SORCS1: variants seen among roughly 807,000 people sequenced by gnomAD.
The protein encoded by SORCS1 is VPS10 domain-containing receptor SorCS1.
In SORCS1, 60 loss-of-function variants were observed where a neutral mutation model predicts 146.1. That is an observed-to-expected ratio of 0.41 (90% CI 0.33 to 0.51). SORCS1 has a LOEUF of 0.51. Among genes scored for constraint, SORCS1 ranks in the 20% least tolerant of loss-of-function variants. The pLI, the probability that SORCS1 is intolerant of heterozygous loss-of-function variation, is 0.21. For synonymous variants in SORCS1, 637 were observed against 584.0 expected (o/e 1.09, Z -1.31); for missense variants, 1,352 against 1,487.6 (o/e 0.91, Z 1.50).
rs541265494 is a variant in SORCS1 at position 106,583,087 on chromosome 10, C to T, written c.3266-3613G>A. Among the ~76,000 whole-genome samples, 35 of 152,040 alleles carry T rather than the reference C, an allele frequency of 2.3e-4. 1 individual carries two copies. In the East Asian group the frequency reaches 5.6e-3, roughly 24 times the overall value. ...AGTTTCCTCATCTGCAAAATGGAGA[C>T]GAAACTAGTGTTTAGTCTAGAAATT... On this transcript the variant is annotated intron_variant, in intron 24 of 25. Coordinates refer to ENST00000263054, the MANE Select transcript of SORCS1 (RefSeq NM_052918.5).
intron 23 of SORCS1, among the ~76,000 whole-genome samples, chr10:106,603,427 C>T (rs531443873): frequency 6.6e-6 from 1 of 152,342 alleles, no homozygotes; most frequent in East Asian, 1.9e-4. Flanking sequence ...GGGTCAAGTA[C>T]TTCTCACTGT....
At chr10:106,918,582 GA>G (rs1006865844) in intron 2 of SORCS1, among the ~76,000 whole-genome samples, 2 of 152,066 alleles carry the variant, frequency 1.3e-5, no homozygotes, top group African/African-American at 4.8e-5. Flanking sequence ...GGGAGACAGG[GA>G]AGAGGAAAAA....
chr10:107,045,958 T>G (rs1036051415), intron 1 of SORCS1, among the ~76,000 whole-genome samples: 2 of 151,776 alleles, frequency 1.3e-5, no homozygotes, highest in East Asian at 3.9e-4. Flanking sequence ...TTTTTTTTTT[T>G]CTTTTTTGAA....
intron 5 of SORCS1, among the ~76,000 whole-genome samples, chr10:106,757,843 A>G (rs866136907): frequency 1.8e-4 from 28 of 152,318 alleles, no homozygotes; most frequent in African/African-American, 6.5e-4. Flanking sequence ...CCTTCATTCA[A>G]ATTCTGGCTC....
At chr10:107,067,781 A>C (rs1263101611) in intron 1 of SORCS1, among the ~76,000 whole-genome samples, 1 of 152,180 alleles carries the variant, frequency 6.6e-6, no homozygotes, top group Non-Finnish European at 1.5e-5. Flanking sequence ...CAGTTTCCTC[A>C]TCAGTGAAAT....
chr10:106,772,134 C>G (rs557926801), intron 4 of SORCS1, among the ~76,000 whole-genome samples: 1 of 151,932 alleles, frequency 6.6e-6, no homozygotes, highest in South Asian at 2.1e-4. Context: ...GAAAATCCAC[C>G]CTCTCCAGTG....
intron 5 of SORCS1, among the ~76,000 whole-genome samples, chr10:106,755,225 A>G (rs141179641): frequency 6.6e-6 from 1 of 152,332 alleles, no homozygotes; most frequent in East Asian, 1.9e-4. Context: ...GTGCTAAACT[A>G]AAATACAATT....
intron 24 of SORCS1, among the ~76,000 whole-genome samples, chr10:106,585,036 G>C (rs941159118): frequency 1.3e-5 from 2 of 151,110 alleles, no homozygotes; most frequent in Non-Finnish European, 2.9e-5. Context: ...TGTTAGCTAG[G>C]CTTCACTTGA....
intron 2 of SORCS1, among the ~76,000 whole-genome samples, chr10:106,875,584 T>C (rs1233707012): frequency 6.6e-6 from 1 of 152,200 alleles, no homozygotes; most frequent in Non-Finnish European, 1.5e-5. Flanking sequence ...CCACCAGCAG[T>C]GTATAAGCGT....
At chr10:106,613,767 T>C (rs933862082) in intron 21 of SORCS1, among the ~76,000 whole-genome samples, 1 of 152,162 alleles carries the variant, frequency 6.6e-6, no homozygotes, top group Non-Finnish European at 1.5e-5. Flanking sequence ...TTCCTGGCCC[T>C]ACATAACCTG....
intron 4 of SORCS1, 33 bp downstream of exon 4, chr10:106,776,501 C>A (rs1267975121): frequency 1.9e-6 from 3 of 1,610,014 alleles, no homozygotes; most frequent in Admixed American, 1.7e-5. Context: ...GAGAACCATG[C>A]TTCATTGTCT....
intron 1 of SORCS1, among the ~76,000 whole-genome samples, chr10:107,157,804 C>T (rs187341115): frequency 3.3e-5 from 5 of 152,274 alleles, no homozygotes; most frequent in African/African-American, 1.2e-4. Context: ...TTGACAGGAA[C>T]CACTGCACTT....
rs1470148977 is a variant in SORCS1 at position 106,618,146 on chromosome 10, C to T, written c.2920+3G>A. 6 of 1,613,854 alleles carry T rather than the reference C, an allele frequency of 3.7e-6. No homozygotes were observed. Among genetic ancestry groups the T allele is most frequent in the Non-Finnish European group, 5.1e-6 (6 of 1,179,880 alleles). ...CAGTAGATCCACTGAGATGGGCACTCACCATATACTGCGATGGTCTTTGTG... is the reference window on the plus strand; with the variant it reads ...CAGTAGATCCACTGAGATGGGCACTTACCATATACTGCGATGGTCTTTGTG... On this transcript the variant is annotated splice_donor_region_variant and intron_variant, in intron 21 of 25. Coordinates refer to ENST00000263054, the MANE Select transcript of SORCS1 (RefSeq NM_052918.5).
At chr10:106,859,967 T>TAC (rs1564744808) in intron 2 of SORCS1, among the ~76,000 whole-genome samples, 1 of 152,248 alleles carries the variant, frequency 6.6e-6, no homozygotes, top group East Asian at 1.9e-4. Flanking sequence ...CACACTATCC[T>TAC]GTAAAGTTCT....
chr10:106,835,534 A>T (rs943626392), intron 2 of SORCS1, among the ~76,000 whole-genome samples: 18 of 152,350 alleles, frequency 1.2e-4, no homozygotes, highest in Non-Finnish European at 2.5e-4. Flanking sequence ...ACAACATTTT[A>T]AAAATGTAGC....
intron 22 of SORCS1, among the ~76,000 whole-genome samples, chr10:106,610,825 TC>T (rs67014005): frequency 0.02 from 2,990 of 152,282 alleles, 36 homozygotes; most frequent in Non-Finnish European, 0.029. Flanking sequence ...ACGCCTGTAA[TC>T]CCAACACTTT....
chr10:107,151,975 C>T (rs1318551572), intron 1 of SORCS1, among the ~76,000 whole-genome samples: 1 of 152,272 alleles, frequency 6.6e-6, no homozygotes, highest in East Asian at 1.9e-4. Flanking sequence ...CCTTCCATCA[C>T]AGACCCAGAG....
chr10:107,041,841 G>T (rs1438362723), intron 1 of SORCS1, among the ~76,000 whole-genome samples: 2 of 151,994 alleles, frequency 1.3e-5, no homozygotes, highest in African/African-American at 4.8e-5. Flanking sequence ...AAAGTGCCTC[G>T]ATTTCTTTAT....
chr10:106,948,883 C>G (rs970581185), intron 2 of SORCS1, among the ~76,000 whole-genome samples: 2 of 152,026 alleles, frequency 1.3e-5, no homozygotes, highest in Non-Finnish European at 2.9e-5. Flanking sequence ...ATGGCATGAA[C>G]CTGGGAGGCG....
Sources: allele counts gnomAD v4.1 joint callset (sites outside exome capture counted in the v4.1 genomes callset), GRCh38; gene constraint gnomAD v4.1.1; transcripts MANE v1.5; gene names NCBI Gene and HGNC (gene_info 2026-07-23, HGNC 2026-07-21).